GPC6: variants seen among roughly 807,000 people sequenced by gnomAD.
GPC6 encodes glypican 6, also known as glypican-6.
In GPC6, 14 loss-of-function variants were observed where a neutral mutation model predicts 55.2. That is an observed-to-expected ratio of 0.25 (90% CI 0.17 to 0.40). The LOEUF (loss-of-function observed/expected upper bound fraction) is 0.40, where lower values mean the gene tolerates loss of function less well. GPC6 is among the 10% of genes least tolerant of loss of function. The pLI, the probability that GPC6 is intolerant of heterozygous loss-of-function variation, is 1.00. For missense variants in GPC6, 641 were observed against 708.5 expected (o/e 0.90, Z 1.08); for synonymous variants, 278 against 259.6 (o/e 1.07, Z -0.68).
rs762261930 is a variant in GPC6, at chr13:94,208,753, CAAAAAAAAA to C, written c.878-77578_878-77570del. ...GCAGCAAAGCAAGACTCCCATCTCC[CAAAAAAAAA>C]AAAAAAAAAAAAAAAAACAAGCTGG... On this transcript the variant is annotated intron_variant, in intron 4 of 8. Coordinates refer to ENST00000377047, the MANE Select transcript of GPC6 (RefSeq NM_005708.5). 1.1e-4 allele frequency among the ~76,000 whole-genome samples: 4 copies of C among 36,240 alleles called. No individual in the cohort carries two copies. The Admixed American group carries it at 1.4e-3, about 12-fold the overall frequency. 23.8% of individuals were successfully genotyped at this position (36,240 alleles called of 152,430 possible).
intron 1 of GPC6, among the ~76,000 whole-genome samples, chr13:93,431,022 T>A (rs1382770295): frequency 6.6e-6 from 1 of 151,220 alleles, no homozygotes; most frequent in African/African-American, 2.5e-5. Context: ...CCATTACGTG[T>A]TTGGAGAACA....
intron 4 of GPC6, among the ~76,000 whole-genome samples, chr13:94,189,760 G>A (rs374285654): frequency 2.6e-5 from 4 of 152,188 alleles, no homozygotes; most frequent in South Asian, 2.1e-4. Context: ...GGTGGCTTAC[G>A]CCTGTAATCC....
intron 5 of GPC6, among the ~76,000 whole-genome samples, chr13:94,299,562 A>G (rs1385776823): frequency 6.6e-6 from 1 of 152,220 alleles, no homozygotes; most frequent in African/African-American, 2.4e-5. Context: ...CCCCTGCAGA[A>G]GAGGCCTGCA....
chr13:93,443,780 G>T (rs1248782152), intron 1 of GPC6, among the ~76,000 whole-genome samples: 1 of 152,206 alleles, frequency 6.6e-6, no homozygotes, highest in East Asian at 1.9e-4. Context: ...GATTGGGCCT[G>T]AAGAATGAAT....
chr13:94,371,003 C>T (rs1879516441), intron 6 of GPC6, among the ~76,000 whole-genome samples: 1 of 152,118 alleles, frequency 6.6e-6, no homozygotes, highest in Non-Finnish European at 1.5e-5. Context: ...AGTTTCTTTT[C>T]AAAAGCTATT....
chr13:93,625,830 C>T (rs1415827036), intron 2 of GPC6, among the ~76,000 whole-genome samples: 2 of 152,152 alleles, frequency 1.3e-5, no homozygotes, highest in African/African-American at 4.8e-5. Flanking sequence ...TATACTTTGA[C>T]TTTCTTCACT....
At chr13:93,661,929 G>A (rs1880938564) in intron 2 of GPC6, among the ~76,000 whole-genome samples, 1 of 152,126 alleles carries the variant, frequency 6.6e-6, no homozygotes, top group South Asian at 2.1e-4. Context: ...TTGTGCCTGG[G>A]CCAGCTATTT....
chr13:94,100,001 G>T (rs1276870402), intron 4 of GPC6, among the ~76,000 whole-genome samples: 1 of 152,110 alleles, frequency 6.6e-6, no homozygotes, highest in Non-Finnish European at 1.5e-5. Context: ...AGGAAAGATA[G>T]CTATTGGCTA....
At chr13:94,085,577 T>C (rs760547003) in intron 4 of GPC6, among the ~76,000 whole-genome samples, 7 of 152,142 alleles carry the variant, frequency 4.6e-5, no homozygotes, top group Non-Finnish European at 8.8e-5. Flanking sequence ...AATAGTATCT[T>C]GCATTTTTAT....
At chr13:93,321,597 G>A (rs932067634) in intron 1 of GPC6, among the ~76,000 whole-genome samples, 1 of 152,048 alleles carries the variant, frequency 6.6e-6, no homozygotes, top group African/African-American at 2.4e-5. Flanking sequence ...AGAGAATTAG[G>A]GTTGAAATGG....
At chr13:93,472,834 G>A (rs1288169197) in intron 1 of GPC6, among the ~76,000 whole-genome samples, 1 of 152,196 alleles carries the variant, frequency 6.6e-6, no homozygotes, top group Non-Finnish European at 1.5e-5. Context: ...GACAAGTGAA[G>A]GGTGAGCAAG....
intron 3 of GPC6, among the ~76,000 whole-genome samples, chr13:93,937,401 C>T (rs1356299918): frequency 6.6e-6 from 1 of 152,108 alleles, no homozygotes; most frequent in Non-Finnish European, 1.5e-5. Context: ...TCAAATTAGT[C>T]ATATCATTAG....
At chr13:93,652,201 T>A (rs1409693744) in intron 2 of GPC6, among the ~76,000 whole-genome samples, 1 of 152,234 alleles carries the variant, frequency 6.6e-6, no homozygotes, top group Non-Finnish European at 1.5e-5. Flanking sequence ...ACTATCTTCA[T>A]ATATTTTCCA....
chr13:94,137,622 G>C (rs1887229522), intron 4 of GPC6, among the ~76,000 whole-genome samples: 1 of 152,128 alleles, frequency 6.6e-6, no homozygotes, highest in South Asian at 2.1e-4. Flanking sequence ...AATATACTGT[G>C]ATGGTTGCTA....
intron 1 of GPC6, among the ~76,000 whole-genome samples, chr13:93,510,236 A>T (rs187167499): frequency 3.9e-5 from 6 of 152,114 alleles, no homozygotes; most frequent in African/African-American, 1.2e-4. Flanking sequence ...TGGTCACCCT[A>T]GTCTGCTATC....
chr13:93,950,428 C>G (rs1014884210), intron 3 of GPC6, among the ~76,000 whole-genome samples: 2 of 152,008 alleles, frequency 1.3e-5, no homozygotes, highest in African/African-American at 4.8e-5. Flanking sequence ...TTTTTTCCAC[C>G]TATTAGGCAT....
intron 2 of GPC6, among the ~76,000 whole-genome samples, chr13:93,765,308 T>TTCCAGATAAGCTGGCTGGAAAG: frequency 6.7e-6 from 1 of 148,686 alleles, no homozygotes; most frequent in African/African-American, 2.5e-5. Context: ...AAAGACAACT[T>TTCCAGATAAGCTGGCTGGAAAG]ATTTGGTTTA....
At chr13:93,334,061 T>C (rs1398396569) in intron 1 of GPC6, among the ~76,000 whole-genome samples, 1 of 152,168 alleles carries the variant, frequency 6.6e-6, no homozygotes, top group East Asian at 1.9e-4. Context: ...TTTTACATTG[T>C]TTATGAAGTC....
intron 4 of GPC6, among the ~76,000 whole-genome samples, chr13:94,211,903 A>G (rs139291178): frequency 4.1e-4 from 62 of 152,320 alleles, no homozygotes; most frequent in African/African-American, 1.4e-3. Flanking sequence ...AAATTTATCA[A>G]TATGCTCTTT....
Sources: allele counts gnomAD v4.1 joint callset (sites outside exome capture counted in the v4.1 genomes callset), GRCh38; gene constraint gnomAD v4.1.1; transcripts MANE v1.5; gene names NCBI Gene and HGNC (gene_info 2026-07-23, HGNC 2026-07-21).